The following SIK2 variants were observed in gnomAD, a reference collection of about 807,000 sequenced individuals.
The protein encoded by SIK2 is serine/threonine-protein kinase SIK2.
SIK2 carries 29 observed loss-of-function variants against 103.2 expected under a neutral mutation model. The ratio of observed to expected loss-of-function variants is 0.28; its 90% CI spans 0.21 to 0.38. SIK2 has a LOEUF of 0.38. Ranked by LOEUF, SIK2 falls within the 10% of genes least tolerant of loss-of-function variation. SIK2 has a pLI of 1.00. For synonymous variants in SIK2, 412 were observed against 446.1 expected (o/e 0.92, Z 0.96); for missense variants, 879 against 1,171.0 (o/e 0.75, Z 3.64).
Position 111,684,907 on chromosome 11 carries a change from A to C in SIK2, c.317-3094A>C, listed in dbSNP as rs553644169. Among the ~76,000 whole-genome samples, 7 of 152,314 alleles carry C rather than the reference A, an allele frequency of 4.6e-5. No homozygotes were observed. In the South Asian group the frequency reaches 8.3e-4, roughly 18 times the overall value. ...TGATGCCAACCCATAAAAAAGAATA[A>C]AATGCCCACTTACATTTAAAGCCTG... On this transcript the variant is annotated intron_variant, in intron 3 of 14. Transcript: ENST00000304987.
intron 3 of SIK2, among the ~76,000 whole-genome samples, chr11:111,673,149 C>T (rs1942652200): frequency 6.6e-6 from 1 of 152,258 alleles, no homozygotes; most frequent in Middle Eastern, 3.4e-3. Flanking sequence ...GAATATGAAT[C>T]TTTTAAAGGC....
intron 7 of SIK2, 36 bp from the exon 8 acceptor site, chr11:111,704,951 C>T (rs779124563): frequency 2.0e-5 from 32 of 1,565,780 alleles, no homozygotes; most frequent in Non-Finnish European, 2.5e-5. Context: ...TTGGTCTTTA[C>T]AGTTCTTTGC....
intron 6 of SIK2, among the ~76,000 whole-genome samples, chr11:111,702,578 T>C (rs1159670792): frequency 6.6e-6 from 1 of 152,272 alleles, no homozygotes; most frequent in East Asian, 1.9e-4. Context: ...CCAATAATAA[T>C]ATAATAAATA....
At chr11:111,612,110 G>GTAT (rs1208511255) in intron 1 of SIK2, among the ~76,000 whole-genome samples, 10 of 152,116 alleles carry the variant, frequency 6.6e-5, no homozygotes, top group African/African-American at 2.4e-4. Flanking sequence ...GCTGTGTAAT[G>GTAT]TATTACTACA....
chr11:111,645,746 C>T (rs1424352123), intron 3 of SIK2, among the ~76,000 whole-genome samples: 1 of 150,622 alleles, frequency 6.6e-6, no homozygotes, highest in Non-Finnish European at 1.5e-5. Context: ...ACCCAGGAGG[C>T]GGAGGTTGCA....
chr11:111,687,940 C>T, intron 3 of SIK2, 61 bp from the exon 4 acceptor site: 7 of 1,580,588 alleles, frequency 4.4e-6, no homozygotes, highest in Non-Finnish European at 6.0e-6. Flanking sequence ...AATTTCCTGA[C>T]TACTAATAGT....
intron 7 of SIK2, among the ~76,000 whole-genome samples, chr11:111,704,171 C>T (rs1943283239): frequency 6.6e-6 from 1 of 152,182 alleles, no homozygotes; most frequent in South Asian, 2.1e-4. Flanking sequence ...GCTTTGCTCA[C>T]TTTGCGCCCA....
At chr11:111,664,018 G>C (rs1286167808) in intron 3 of SIK2, among the ~76,000 whole-genome samples, 3 of 152,114 alleles carry the variant, frequency 2.0e-5, no homozygotes, top group Non-Finnish European at 4.4e-5. Context: ...CCACTCTCCA[G>C]GGAGGAAGTA....
Position 111,620,339 on chromosome 11 carries a change from G to A in SIK2, c.253G>A (p.Val85Ile). 6.4e-7 allele frequency: 1 copy of A among 1,571,682 alleles called. No homozygotes were observed. The highest frequency in any genetic ancestry group is 8.7e-7 in the Non-Finnish European group (1 of 1,154,202). Residue 85 changes from valine (V) to isoleucine (I), a missense_variant and splice_region_variant, in exon 3 of 15, where the codon GTA (valine) becomes ATA (isoleucine). This residue lies in a region of SIK2 where 126 missense variants were observed against 245.5 expected (regional missense o/e 0.51). Coordinates refer to ENST00000304987, the MANE Select transcript of SIK2 (RefSeq NM_015191.3). ...DHPHIIKLYQ[V>I]METKSMLYLV... The stretch of plus-strand genomic sequence containing the variant: ...CTAATATGGAATTATTTATCAATAG[G>A]TAATGGAGACCAAAAGTATGTTGTA...
chr11:111,608,913 A>G lies in SIK2; in HGVS notation c.135+6215A>G, dbSNP rs148880198. Reference sequence around the variant, plus strand: ...AAAGGAGTACCCGTTAATTTTCACCAGGAAGAACTCATATTTTGCAGGAAT... The same window carrying G: ...AAAGGAGTACCCGTTAATTTTCACCGGGAAGAACTCATATTTTGCAGGAAT... On this transcript the variant is annotated intron_variant, in intron 1 of 14. Transcript: ENST00000304987. Among the ~76,000 whole-genome samples, 3 of 152,348 alleles carry G rather than the reference A, an allele frequency of 2.0e-5. No homozygotes were observed. In the East Asian group the frequency reaches 5.8e-4, roughly 29 times the overall value.
At chr11:111,662,259 A>T (rs915586389) in intron 3 of SIK2, among the ~76,000 whole-genome samples, 6 of 152,244 alleles carry the variant, frequency 3.9e-5, no homozygotes, top group Non-Finnish European at 8.8e-5. Flanking sequence ...ATAATAGCAA[A>T]TATTCATTCG....
At chr11:111,613,572 C>T (rs1307028706) in intron 1 of SIK2, among the ~76,000 whole-genome samples, 1 of 152,102 alleles carries the variant, frequency 6.6e-6, no homozygotes, top group Non-Finnish European at 1.5e-5. Context: ...TCATACTCTT[C>T]ATTGAGGGGG....
At position 111,691,238 on chromosome 11, in the gene SIK2, T is replaced by C. The variant is rs1379989891; in HGVS notation, c.478+3076T>C. ...TATTTTTGCTTTTTAGTATCTAATC[T>C]TCAAGCCCTTCTAATTATATAGAAG... On this transcript the variant is annotated intron_variant, in intron 4 of 14. Transcript: ENST00000304987. Among the ~76,000 whole-genome samples the C allele has an allele frequency of 5.9e-5, 9 of 152,344 alleles. No homozygotes were observed. In the East Asian group the frequency reaches 1.5e-3, roughly 26 times the overall value.
In SIK2 at chr11:111,602,749, A is replaced by AGCT. The variant is rs779167352; in HGVS notation, c.135+55_135+57dup. On this transcript the variant is annotated intron_variant, in intron 1 of 14. Coordinates refer to ENST00000304987, the MANE Select transcript of SIK2 (RefSeq NM_015191.3). The surrounding 1 kb of genome is among the most constrained non-coding windows in gnomAD (Gnocchi z 4.5). Reference sequence around the variant, plus strand: ...GTCCGAGGCGAGGGTTCGGGAGAGGAGCTGCTTACCGAGAGGGGCGGCCGC... The same window carrying AGCT: ...GTCCGAGGCGAGGGTTCGGGAGAGGAGCTGCTGCTTACCGAGAGGGGCGGCCGC... 9.0e-6 allele frequency: 13 copies of AGCT among 1,442,792 alleles called. No homozygotes were observed. The African/African-American group carries it at 1.8e-4, about 20-fold the overall frequency. 89.4% of individuals were successfully genotyped at this position (1,442,792 alleles called of 1,614,324 possible). A position where few individuals can be genotyped will look rare whatever the true frequency, so the allele number is the denominator to read the frequency against.
chr11:111,613,299 C>T (rs1415531032), intron 1 of SIK2, among the ~76,000 whole-genome samples: 1 of 151,882 alleles, frequency 6.6e-6, no homozygotes, highest in Non-Finnish European at 1.5e-5. Flanking sequence ...TTTTAAAAAC[C>T]ATAATCCCTT....
Position 111,630,155 on chromosome 11 carries a change from A to G in SIK2, c.316+9753A>G, listed in dbSNP as rs374260104. 2.2e-4 allele frequency among the ~76,000 whole-genome samples: 33 copies of G among 152,332 alleles called. 2 individuals carry two copies. The highest frequency in any genetic ancestry group is 1.7e-3 in the Admixed American group (26 of 15,300). ...AGATGATTCAAAAAGGAAATGAACT[A>G]TTTATGCATGCAACAACATGCATAC... On this transcript the variant is annotated intron_variant, in intron 3 of 14. Coordinates refer to ENST00000304987, the MANE Select transcript of SIK2 (RefSeq NM_015191.3).
At chr11:111,634,104 A>G (rs889699739) in intron 3 of SIK2, among the ~76,000 whole-genome samples, 3 of 152,176 alleles carry the variant, frequency 2.0e-5, no homozygotes, top group Admixed American at 1.3e-4. Flanking sequence ...TGGTAATTAA[A>G]TTACCCAGGG....
chr11:111,620,804 A>G (rs1487159412), intron 3 of SIK2, among the ~76,000 whole-genome samples: 2 of 152,188 alleles, frequency 1.3e-5, no homozygotes, highest in Admixed American at 6.5e-5. Flanking sequence ...AAATAGCACA[A>G]TCTCTGTTAT....
intron 3 of SIK2, among the ~76,000 whole-genome samples, chr11:111,676,504 A>G (rs1315789192): frequency 6.6e-6 from 1 of 152,118 alleles, no homozygotes; most frequent in Non-Finnish European, 1.5e-5. Flanking sequence ...GCATTTCTCT[A>G]AGGATTAGTG....
Sources: gnomAD v4.1 joint callset for allele counts (sites outside exome capture counted in the v4.1 genomes callset) on GRCh38, gnomAD v4.1.1 for gene constraint, gnomAD v4.1.1 regional missense constraint, Gnocchi (gnomAD v3.1) non-coding constraint, MANE v1.5 for transcripts, NCBI Gene and HGNC (gene_info 2026-07-23, HGNC 2026-07-21) for gene names.